Variants in CSNK1G1 observed in about 807,000 individuals in gnomAD.
CSNK1G1 encodes casein kinase I isoform gamma-1.
Under a neutral mutation model 59.6 loss-of-function variants are expected in CSNK1G1, and 22 were observed. The observed-to-expected ratio is 0.37, with a 90% confidence interval of 0.26 to 0.53. The LOEUF (loss-of-function observed/expected upper bound fraction) is 0.53. CSNK1G1 is among the 20% of genes least tolerant of loss of function. CSNK1G1 has a pLI of 0.89. For synonymous variants in CSNK1G1, 179 were observed against 177.1 expected (o/e 1.01, Z -0.08); for missense variants, 384 against 519.5 (o/e 0.74, Z 2.54).
At chr15:64,273,216 A>G (rs912705359) in intron 2 of CSNK1G1, among the ~76,000 whole-genome samples, 6 of 152,184 alleles carry the variant, frequency 3.9e-5, no homozygotes, top group South Asian at 2.1e-4. Flanking sequence ...AACTACCCTT[A>G]TTTTATTATA....
chr15:64,271,046 G>A (rs1417509690), intron 2 of CSNK1G1, among the ~76,000 whole-genome samples: 2 of 152,004 alleles, frequency 1.3e-5, no homozygotes, highest in South Asian at 2.1e-4. Flanking sequence ...GTAGCAGCAC[G>A]ATCTCAGCTC....
Position 64,169,807 on chromosome 15 carries a change from G to A in CSNK1G1, c.*2124C>T, listed in dbSNP as rs1360030951. On this transcript the variant is annotated 3_prime_UTR_variant, in exon 12 of 12. Coordinates refer to ENST00000303052, the MANE Select transcript of CSNK1G1 (RefSeq NM_022048.5). Reference sequence around the variant, plus strand: ...ATGACATATTACCATCTTTTCATAAGCTAAGCAGGTTTGATGCCAGTGAAA... The same window carrying A: ...ATGACATATTACCATCTTTTCATAAACTAAGCAGGTTTGATGCCAGTGAAA... The A allele has an allele frequency of 6.6e-6, 1 of 152,164 alleles. No homozygotes were observed. The highest frequency in any genetic ancestry group is 1.5e-5 in the Non-Finnish European group (1 of 68,032). 9.4% of individuals were successfully genotyped at this position (152,164 alleles called of 1,614,324 possible).
intron 1 of CSNK1G1, among the ~76,000 whole-genome samples, chr15:64,309,635 G>A (rs934649344): frequency 6.6e-6 from 1 of 152,106 alleles, no homozygotes; most frequent in African/African-American, 2.4e-5. Context: ...ACATAAGAAG[G>A]GCATTGTAAT....
chr15:64,325,446 C>A (rs1258621309), intron 1 of CSNK1G1, among the ~76,000 whole-genome samples: 3 of 152,186 alleles, frequency 2.0e-5, no homozygotes, highest in Non-Finnish European at 4.4e-5. Flanking sequence ...GCTGTTAGTA[C>A]TGCCTTATTC....
At position 64,214,234 on chromosome 15, in the gene CSNK1G1, A is replaced by C; in HGVS notation, c.445-110T>G. 1.3e-6 allele frequency: 1 copy of C among 799,348 alleles called. No individual in the cohort carries two copies. Among genetic ancestry groups the C allele is most frequent in the Non-Finnish European group, 2.1e-6 (1 of 482,688 alleles). The allele number at this position is 799,348 out of a possible 1,614,324, so 49.5% of individuals were successfully genotyped here. On this transcript the variant is annotated intron_variant, in intron 5 of 11. Transcript: ENST00000303052. This position sits in a 1 kb window ranked among gnomAD's most constrained non-coding sequence, Gnocchi z 4.3. ...TTTTAATTATTGAAATAACAGTAAAATTCATCTCCTTTCACCGCCCTGAGT... is the reference window on the plus strand; with the variant it reads ...TTTTAATTATTGAAATAACAGTAAACTTCATCTCCTTTCACCGCCCTGAGT...
At chr15:64,203,881 G>A (rs758683343) in intron 9 of CSNK1G1, among the ~76,000 whole-genome samples, 2 of 152,076 alleles carry the variant, frequency 1.3e-5, no homozygotes, top group Admixed American at 6.6e-5. Flanking sequence ...GGTGGCTCAC[G>A]CCTGTAATCC....
intron 1 of CSNK1G1, among the ~76,000 whole-genome samples, chr15:64,307,557 T>C (rs970546761): frequency 2.0e-5 from 3 of 152,150 alleles, no homozygotes; most frequent in Non-Finnish European, 2.9e-5. Flanking sequence ...CTATTTAGTA[T>C]ACACTACTGT....
intron 2 of CSNK1G1, among the ~76,000 whole-genome samples, chr15:64,290,949 G>A (rs572657644): frequency 6.6e-6 from 1 of 152,168 alleles, no homozygotes; most frequent in East Asian, 1.9e-4. Context: ...CCTGACCTCA[G>A]ATGATCTGTC....
chr15:64,257,572 C>A (rs1354303067), intron 3 of CSNK1G1, among the ~76,000 whole-genome samples: 13 of 152,106 alleles, frequency 8.5e-5, no homozygotes, highest in Admixed American at 8.5e-4. Context: ...AGGCTGAGTG[C>A]AGAGGTGCAA....
At chr15:64,308,397 C>T (rs938991595) in intron 1 of CSNK1G1, among the ~76,000 whole-genome samples, 1 of 151,778 alleles carries the variant, frequency 6.6e-6, no homozygotes, top group African/African-American at 2.4e-5. Context: ...CCATGCCCAG[C>T]CCCACTAGTT....
Position 64,168,574 on chromosome 15 carries a change from A to C in CSNK1G1, c.*3357T>G, listed in dbSNP as rs2081629164. On this transcript the variant is annotated 3_prime_UTR_variant, in exon 12 of 12. Transcript: ENST00000303052. ...TAAGGGTTTTTATGAATAGATGCTG[A>C]GTTAGCTTTCAGGAAAAACAACTGC... 1.3e-5 allele frequency: 2 copies of C among 152,198 alleles called. No homozygotes were observed. The highest frequency in any genetic ancestry group is 4.8e-5 in the African/African-American group (2 of 41,454). 9.4% of individuals were successfully genotyped at this position (152,198 alleles called of 1,614,324 possible).
chr15:64,335,987 C>G (rs62022685), intron 1 of CSNK1G1: 9 of 152,196 alleles, frequency 5.9e-5, no homozygotes, highest in Admixed American at 2.0e-4. Flanking sequence ...CATAGTATAA[C>G]AGTTGCTCAA....
At chr15:64,218,630 C>T (rs1390948286) in intron 4 of CSNK1G1, among the ~76,000 whole-genome samples, 1 of 152,016 alleles carries the variant, frequency 6.6e-6, no homozygotes, top group Non-Finnish European at 1.5e-5. Flanking sequence ...TTCAAGTGAT[C>T]CATCCACCTC....
intron 1 of CSNK1G1, among the ~76,000 whole-genome samples, chr15:64,348,827 T>TA (rs1189186537): frequency 1.3e-5 from 2 of 151,998 alleles, no homozygotes; most frequent in South Asian, 4.2e-4. Context: ...ACAGAGAAAT[T>TA]AAAGTGTATT....
At chr15:64,226,417 G>T (rs1366128837) in intron 4 of CSNK1G1, among the ~76,000 whole-genome samples, 1 of 152,080 alleles carries the variant, frequency 6.6e-6, no homozygotes, top group Non-Finnish European at 1.5e-5. Flanking sequence ...AATTAGCTGG[G>T]CGTGGTGGTG....
At chr15:64,274,643 A>G (rs1240628924) in intron 2 of CSNK1G1, among the ~76,000 whole-genome samples, 1 of 152,198 alleles carries the variant, frequency 6.6e-6, no homozygotes, top group African/African-American at 2.4e-5. Context: ...ATTTAAACTC[A>G]GCCCTTTCAA....
intron 2 of CSNK1G1, among the ~76,000 whole-genome samples, chr15:64,284,046 T>C (rs1894282006): frequency 6.6e-6 from 1 of 152,166 alleles, no homozygotes; most frequent in South Asian, 2.1e-4. Flanking sequence ...AACTTGAATC[T>C]TTTGATTGTG....
At chr15:64,182,739 C>A (rs1252302453) in intron 10 of CSNK1G1, among the ~76,000 whole-genome samples, 3 of 152,132 alleles carry the variant, frequency 2.0e-5, no homozygotes, top group African/African-American at 7.2e-5. Context: ...AGATTTAAAG[C>A]AAATATGGCA....
chr15:64,195,032 T>A (rs1272895248), intron 10 of CSNK1G1: 1 of 152,250 alleles, frequency 6.6e-6, no homozygotes, highest in Non-Finnish European at 1.5e-5. Context: ...TGATCTTTGA[T>A]TCATATTTTC....
Sources: allele counts gnomAD v4.1 joint callset (sites outside exome capture counted in the v4.1 genomes callset), GRCh38; gene constraint gnomAD v4.1.1; non-coding constraint Gnocchi (gnomAD v3.1); transcripts MANE v1.5; gene names NCBI Gene and HGNC (gene_info 2026-07-23, HGNC 2026-07-21).